The following ELMO1 variants were observed in gnomAD, a reference collection of about 807,000 sequenced individuals.
ELMO1 encodes engulfment and cell motility protein 1.
ELMO1 carries 26 observed loss-of-function variants against 98.9 expected under a neutral mutation model. The ratio of observed to expected loss-of-function variants is 0.26; its 90% confidence interval spans 0.19 to 0.36. The LOEUF (loss-of-function observed/expected upper bound fraction) is 0.36. ELMO1 is among the 10% of genes least tolerant of loss of function. The pLI, the probability that ELMO1 is intolerant of heterozygous loss-of-function variation, is 1.00. For missense variants in ELMO1, 627 were observed against 935.2 expected, an observed-to-expected ratio of 0.67 and a Z score of 4.30; for synonymous variants, 346 against 346.0, an observed-to-expected ratio of 1.00 and a Z score of 0.00.
intron 4 of ELMO1, among the ~76,000 whole-genome samples, chr7:37,278,113 CTT>C (rs36110041): frequency 2.5e-4 from 21 of 85,590 alleles, no homozygotes; most frequent in African/African-American, 5.2e-4. Flanking sequence ...ATAGCTTTTC[CTT>C]TTTTTTTTTT....
At chr7:37,331,326 C>A (rs1302787581) in intron 2 of ELMO1, among the ~76,000 whole-genome samples, 3 of 97,528 alleles carry the variant, frequency 3.1e-5, no homozygotes, top group Non-Finnish European at 6.1e-5. Flanking sequence ...CCAGCCGCCA[C>A]GCCTGGCTTT....
chr7:37,150,691 G>A (rs1788299905), intron 13 of ELMO1, among the ~76,000 whole-genome samples: 1 of 152,034 alleles, frequency 6.6e-6, no homozygotes, highest in Non-Finnish European at 1.5e-5. Context: ...CAAAGACTTA[G>A]CATAATTATG....
At chr7:37,293,765 C>T (rs1452776153) in intron 4 of ELMO1, among the ~76,000 whole-genome samples, 10 of 60,264 alleles carry the variant, frequency 1.7e-4, no homozygotes, top group Non-Finnish European at 2.6e-4. Flanking sequence ...AACTCTATAT[C>T]CAAAAAAAAA....
intron 15 of ELMO1, among the ~76,000 whole-genome samples, chr7:37,086,765 A>AAAAAAAAAAAAAAAAAAAAAAAAAAAG (rs1491293564): frequency 7.0e-6 from 1 of 142,568 alleles, no homozygotes; most frequent in Non-Finnish European, 1.5e-5. Flanking sequence ...AAAAAAAAAA[A>AAAAAAAAAAAAAAAAAAAAAAAAAAAG]GAAATCTTTG....
intron 16 of ELMO1, among the ~76,000 whole-genome samples, chr7:37,005,107 CAAAAAA>C (rs35665315): frequency 3.9e-3 from 150 of 38,270 alleles, no homozygotes; most frequent in African/African-American, 9.0e-3. Context: ...GGCTCTGTCT[CAAAAAA>C]AAAAAAAAAA....
chr7:37,313,879 C>T (rs60740585), intron 4 of ELMO1, among the ~76,000 whole-genome samples: 2 of 152,184 alleles, frequency 1.3e-5, no homozygotes, highest in African/African-American at 4.8e-5. Context: ...GTACTTTGTA[C>T]TCACTTCTGT....
chr7:37,251,321 T>A (rs536424914), intron 6 of ELMO1, among the ~76,000 whole-genome samples: 1 of 152,352 alleles, frequency 6.6e-6, no homozygotes, highest in African/African-American at 2.4e-5. Context: ...CTTTCACTCC[T>A]ATGTTTCAAG....
chr7:37,355,355 GGGGTA>G, intron 1 of ELMO1, among the ~76,000 whole-genome samples: 1 of 152,318 alleles, frequency 6.6e-6, no homozygotes, highest in East Asian at 1.9e-4. Flanking sequence ...TGCCAGACAT[GGGGTA>G]GCTGGATAAA....
chr7:37,366,514 C>T (rs1187689275), intron 1 of ELMO1, among the ~76,000 whole-genome samples: 1 of 152,126 alleles, frequency 6.6e-6, no homozygotes, highest in Non-Finnish European at 1.5e-5. Flanking sequence ...CTCCCAACAC[C>T]TAGAGTTTAG....
At chr7:37,306,510 T>C (rs910159666) in intron 4 of ELMO1, among the ~76,000 whole-genome samples, 2 of 152,196 alleles carry the variant, frequency 1.3e-5, no homozygotes, top group Admixed American at 1.3e-4. Flanking sequence ...ATTCAAAATA[T>C]GGTTTTTCAT....
intron 16 of ELMO1, among the ~76,000 whole-genome samples, chr7:36,998,103 T>C (rs1792356349): frequency 6.6e-6 from 1 of 151,880 alleles, no homozygotes. Context: ...TTTTGGTATA[T>C]TTTTAGGCTG....
At chr7:37,082,458 C>G (rs749553717) in intron 15 of ELMO1, among the ~76,000 whole-genome samples, 1 of 152,156 alleles carries the variant, frequency 6.6e-6, no homozygotes, top group Non-Finnish European at 1.5e-5. Flanking sequence ...AATCCCAGCA[C>G]TTTGGGAGGC....
At chr7:37,192,936 TATAG>T (rs1422994475) in intron 13 of ELMO1, among the ~76,000 whole-genome samples, 1 of 144,262 alleles carries the variant, frequency 6.9e-6, no homozygotes, top group Non-Finnish European at 1.5e-5. Flanking sequence ...ATAATTTATA[TATAG>T]ATACATATAT....
chr7:37,155,744 T>A lies in ELMO1; in HGVS notation c.1087-22510A>T, dbSNP rs371135308. Among the ~76,000 whole-genome samples, 10 of 152,268 alleles carry A rather than the reference T, an allele frequency of 6.6e-5. No individual in the cohort carries two copies. The East Asian group carries it at 1.2e-3, about 18-fold the overall frequency. ...ATAATGGGAGACTTTAACACCTCAC[T>A]GTCAATATTAGACAGATCAACGAGA... On this transcript the variant is annotated intron_variant, in intron 13 of 21. Coordinates refer to ENST00000310758, the MANE Select transcript of ELMO1 (RefSeq NM_014800.11).
Position 37,104,896 on chromosome 7 carries a change from A to C in ELMO1, c.1192-8169T>G, listed in dbSNP as rs575954582. Among the ~76,000 whole-genome samples the C allele has an allele frequency of 2.3e-4, 35 of 152,298 alleles. No homozygotes were observed. The South Asian group carries it at 6.6e-3, about 29-fold the overall frequency. ...ACGCACACAGGGAACCAAGATAAAT[A>C]ACAATCTGGACAAATGAGAGGAATG... On this transcript the variant is annotated intron_variant, in intron 14 of 21. Coordinates refer to ENST00000310758, the MANE Select transcript of ELMO1 (RefSeq NM_014800.11).
intron 15 of ELMO1, among the ~76,000 whole-genome samples, chr7:37,065,751 T>TG (rs1796925230): frequency 6.6e-6 from 1 of 152,212 alleles, no homozygotes; most frequent in South Asian, 2.1e-4. Flanking sequence ...AAAACGCTCG[T>TG]GCTAGTGGAC....
chr7:37,397,489 C>A (rs1249963523), intron 1 of ELMO1, among the ~76,000 whole-genome samples: 2 of 152,120 alleles, frequency 1.3e-5, no homozygotes, highest in Admixed American at 1.3e-4. Flanking sequence ...GGACAGCATG[C>A]CTGTGAAGAT....
chr7:37,289,330 C>T (rs1019840679), intron 4 of ELMO1, among the ~76,000 whole-genome samples: 1 of 152,158 alleles, frequency 6.6e-6, no homozygotes, highest in Non-Finnish European at 1.5e-5. Flanking sequence ...ATATTTATTT[C>T]ATACCTACTA....
At chr7:37,096,549 G>C in intron 15 of ELMO1, 70 bp downstream of exon 15, 2 of 1,342,540 alleles carry the variant, frequency 1.5e-6, no homozygotes, top group Admixed American at 3.4e-5. Flanking sequence ...TCTTCACACA[G>C]GTAGGGGCAC....
Sources: gnomAD v4.1 joint callset for allele counts (sites outside exome capture counted in the v4.1 genomes callset) on GRCh38, gnomAD v4.1.1 for gene constraint, MANE v1.5 for transcripts, NCBI Gene and HGNC (gene_info 2026-07-23, HGNC 2026-07-21) for gene names.